ARHGAP32: variants seen among roughly 807,000 people sequenced by gnomAD.
The protein encoded by ARHGAP32 is Rho GTPase activating protein 32.
ARHGAP32 carries 51 observed loss-of-function variants against 186.5 expected under a neutral mutation model. The ratio of observed to expected loss-of-function variants is 0.27; its 90% CI spans 0.22 to 0.35. ARHGAP32 has a LOEUF of 0.35. ARHGAP32 is among the 10% of genes least tolerant of loss of function. The pLI is 1.00. For missense variants in ARHGAP32, 2,186 were observed against 2,623.5 expected (o/e 0.83, Z 3.64); for synonymous variants, 950 against 964.3 (o/e 0.99, Z 0.27).
intron 6 of ARHGAP32, among the ~76,000 whole-genome samples, chr11:129,076,626 C>T (rs1466445631): frequency 6.6e-6 from 1 of 151,936 alleles, no homozygotes; most frequent in African/African-American, 2.4e-5. Context: ...TATTTTGAAC[C>T]AAATAAAAAC....
In ARHGAP32 at chr11:128,969,995, CATTATGGTCGTTGGGAGAGAA is replaced by C. The variant is rs748953272; in HGVS notation, c.5197_5217del (p.Phe1733_Asn1739del). ...TCAGCAGCCGGAGGCATGCTGACTACATTATGGTCGTTGGGAGAGAAATAGCCAGTCACGTTGGCCCGGGGA... is the reference window on the plus strand; with the variant it reads ...TCAGCAGCCGGAGGCATGCTGACTACATAGCCAGTCACGTTGGCCCGGGGA... On this transcript the variant is annotated inframe_deletion, in exon 23 of 23. Transcript: ENST00000682385. This position sits in a 1 kb window ranked among gnomAD's most constrained non-coding sequence, Gnocchi z 4.8. 6.2e-7 allele frequency: 1 copy of C among 1,614,196 alleles called. No homozygotes were observed. The highest frequency in any genetic ancestry group is 1.3e-5 in the African/African-American group (1 of 75,050).
At chr11:129,060,384 A>ATAGATAGATAGATAG (rs1565401813) in intron 10 of ARHGAP32, among the ~76,000 whole-genome samples, 2 of 134,350 alleles carry the variant, frequency 1.5e-5, no homozygotes, top group African/African-American at 5.7e-5. Context: ...TAGATAGATA[A>ATAGATAGATAGATAG]GATAGACAGA....
Position 129,181,984 on chromosome 11 carries a change from C to T in ARHGAP32, c.116+10099G>A, listed in dbSNP as rs550372196. Among the ~76,000 whole-genome samples, 11 of 152,250 alleles carry T rather than the reference C, an allele frequency of 7.2e-5. No individual in the cohort carries two copies. The East Asian group carries it at 1.7e-3, about 24-fold the overall frequency. On this transcript the variant is annotated intron_variant, in intron 1 of 22. Transcript: ENST00000682385. ...ATATGTATGAAAAAATACAGCCACA[C>T]AGAGTATAAAAGCAATGTGTAAATA...
chr11:129,067,169 T>G (rs371315673), intron 6 of ARHGAP32, among the ~76,000 whole-genome samples: 1 of 152,026 alleles, frequency 6.6e-6, no homozygotes. Context: ...ACATGTGATT[T>G]TAAATCTACC....
At chr11:129,037,513 T>C (rs1241978911) in intron 11 of ARHGAP32, among the ~76,000 whole-genome samples, 1 of 151,600 alleles carries the variant, frequency 6.6e-6, no homozygotes, top group Non-Finnish European at 1.5e-5. Flanking sequence ...AAATTAAAAA[T>C]ACAAAAGAAT....
intron 6 of ARHGAP32, among the ~76,000 whole-genome samples, chr11:129,077,494 A>G (rs1010332768): frequency 6.6e-6 from 1 of 152,090 alleles, no homozygotes; most frequent in African/African-American, 2.4e-5. Context: ...TCCTGGCTGC[A>G]TGGGAGCTGG....
At chr11:129,155,986 T>A (rs1250525997) in intron 2 of ARHGAP32, among the ~76,000 whole-genome samples, 1 of 152,138 alleles carries the variant, frequency 6.6e-6, no homozygotes, top group African/African-American at 2.4e-5. Context: ...GGGAACTCCC[T>A]CTCCTAGCCA....
chr11:129,263,927 T>C (rs1945358714), intron 1 of ARHGAP32, among the ~76,000 whole-genome samples: 1 of 152,082 alleles, frequency 6.6e-6, no homozygotes, highest in Non-Finnish European at 1.5e-5. Context: ...CTCAAAGAGG[T>C]ATTTGCATAC....
intron 12 of ARHGAP32, among the ~76,000 whole-genome samples, chr11:128,997,801 G>A (rs1946242280): frequency 6.6e-6 from 1 of 152,204 alleles, no homozygotes; most frequent in South Asian, 2.1e-4. Flanking sequence ...CAGTACTCTG[G>A]GAGGACTGCC....
Position 129,064,029 on chromosome 11 carries a change from C to A in ARHGAP32, c.763-5G>T. ...GTGATTTCCCTTATTATCAATCTAT[C>A]ACAAAGAAAATGTACTATGAGATAA... On this transcript the variant is annotated splice_region_variant and splice_polypyrimidine_tract_variant and intron_variant, in intron 8 of 22. Coordinates refer to ENST00000682385, the MANE Select transcript of ARHGAP32 (RefSeq NM_001378024.1). The A allele has an allele frequency of 6.2e-7, 1 of 1,602,278 alleles. No homozygotes were observed. Among genetic ancestry groups the A allele is most frequent in the South Asian group, 1.1e-5 (1 of 88,886 alleles).
In ARHGAP32 at chr11:129,222,773, T is replaced by C. The variant is rs78720037; in HGVS notation, c.-5+56373A>G. On this transcript the variant is annotated intron_variant, in intron 1 of 6. Transcript: ENST00000525234. The stretch of plus-strand genomic sequence containing the variant: ...ATCCTGCAGCAATCTAATAGTGCAA[T>C]ACTTCTTGTTTGCAAACTTTTAATG... 5.8e-3 allele frequency among the ~76,000 whole-genome samples: 880 copies of C among 152,282 alleles called. 9 individuals are homozygous for C. Among genetic ancestry groups the C allele is most frequent in the African/African-American group, 0.02 (839 of 41,542 alleles).
At chr11:129,087,552 A>C (rs371145050) in intron 6 of ARHGAP32, among the ~76,000 whole-genome samples, 1 of 152,326 alleles carries the variant, frequency 6.6e-6, no homozygotes, top group African/African-American at 2.4e-5. Flanking sequence ...AAAACTAGGG[A>C]GACAGTAAAA....
chr11:129,212,353 TCTCA>T (rs1944591988), intron 1 of ARHGAP32, among the ~76,000 whole-genome samples: 3 of 152,094 alleles, frequency 2.0e-5, no homozygotes, highest in Admixed American at 2.0e-4. Context: ...AAAATAAGGC[TCTCA>T]CTGTGGGAAA....
intron 1 of ARHGAP32, among the ~76,000 whole-genome samples, chr11:129,278,782 C>T (rs1945568836): frequency 6.6e-6 from 1 of 151,242 alleles, no homozygotes; most frequent in Non-Finnish European, 1.5e-5. Flanking sequence ...CCGGGAGCGC[C>T]GGTGTCCCTG....
At chr11:129,045,578 T>C (rs372943107) in intron 10 of ARHGAP32, among the ~76,000 whole-genome samples, 3 of 152,236 alleles carry the variant, frequency 2.0e-5, no homozygotes, top group East Asian at 1.9e-4. Flanking sequence ...TGAACACTTA[T>C]ACTTTTCTAA....
chr11:129,198,398 C>A lies in ARHGAP32; in HGVS notation c.-4-33971G>T, dbSNP rs914974410. Among the ~76,000 whole-genome samples the A allele has an allele frequency of 3.9e-5, 6 of 152,304 alleles. No individual in the cohort carries two copies. In the East Asian group the frequency reaches 7.7e-4, roughly 20 times the overall value. Reference sequence around the variant, plus strand: ...GGCTGTGTCCCCACCCAAATTTCATCTTGAATTGTAGCTCCCATAATTCCC... The same window carrying A: ...GGCTGTGTCCCCACCCAAATTTCATATTGAATTGTAGCTCCCATAATTCCC... On this transcript the variant is annotated intron_variant, in intron 1 of 6. Transcript: ENST00000525234.
intron 15 of ARHGAP32, among the ~76,000 whole-genome samples, chr11:128,982,277 A>C (rs111304087): frequency 0.023 from 3,520 of 152,296 alleles, 72 homozygotes; most frequent in African/African-American, 0.054. Flanking sequence ...ATAGGCATCA[A>C]GGGGAGAATA....
At chr11:129,015,517 T>C (rs1431046163) in intron 11 of ARHGAP32, among the ~76,000 whole-genome samples, 1 of 152,216 alleles carries the variant, frequency 6.6e-6, no homozygotes, top group Non-Finnish European at 1.5e-5. Context: ...AAGATAGAGC[T>C]GAAGCCACTG....
chr11:129,144,376 A>G (rs1320674314), intron 2 of ARHGAP32, among the ~76,000 whole-genome samples: 1 of 151,404 alleles, frequency 6.6e-6, no homozygotes, highest in Non-Finnish European at 1.5e-5. Context: ...GGTTTCTCTC[A>G]AAATTCTTTT....
Sources: allele counts gnomAD v4.1 joint callset (sites outside exome capture counted in the v4.1 genomes callset), GRCh38; gene constraint gnomAD v4.1.1; non-coding constraint Gnocchi (gnomAD v3.1); transcripts MANE v1.5; gene names NCBI Gene and HGNC (gene_info 2026-07-23, HGNC 2026-07-21).